JPH3: variants seen among roughly 807,000 people sequenced by gnomAD.
JPH3 encodes junctophilin-3.
Under a neutral mutation model 59.6 loss-of-function variants are expected in JPH3, and 11 were observed. The observed-to-expected ratio is 0.18, with a 90% CI of 0.12 to 0.31. The LOEUF (loss-of-function observed/expected upper bound fraction) is 0.31. JPH3 is among the 10% of genes least tolerant of loss of function. The pLI, the probability that JPH3 is intolerant of heterozygous loss-of-function variation, is 1.00. For missense variants in JPH3, 1,202 were observed against 1,105.7 expected (o/e 1.09, Z -1.24); for synonymous variants, 673 against 483.6 (o/e 1.39, Z -5.14).
rs906729955 is a variant in JPH3, at chr16:87,676,337, C to T, written c.1161-7805C>T. On this transcript the variant is annotated intron_variant, in intron 2 of 4. Coordinates refer to ENST00000284262, the MANE Select transcript of JPH3 (RefSeq NM_020655.4). ...CTCAATTTAACAACATCTTTTTGAACGAGTGGATCCATAAATGCATTAAGT... is the reference window on the plus strand; with the variant it reads ...CTCAATTTAACAACATCTTTTTGAATGAGTGGATCCATAAATGCATTAAGT... Among the ~76,000 whole-genome samples, 3 of 152,112 alleles carry T rather than the reference C, an allele frequency of 2.0e-5. No homozygotes were observed. The East Asian group carries it at 5.8e-4, about 29-fold the overall frequency.
At chr16:87,661,284 CTT>C (rs1424930118) in intron 2 of JPH3, among the ~76,000 whole-genome samples, 5 of 152,234 alleles carry the variant, frequency 3.3e-5, no homozygotes, top group East Asian at 1.9e-4. Flanking sequence ...TCATCTCTCT[CTT>C]TCCTGATCCT....
chr16:87,643,078 C>T (rs572670560), intron 1 of JPH3, among the ~76,000 whole-genome samples: 7 of 152,298 alleles, frequency 4.6e-5, no homozygotes, highest in South Asian at 2.1e-4. Context: ...CTGCACCCAC[C>T]GCGCTTTCTG....
intron 2 of JPH3, among the ~76,000 whole-genome samples, chr16:87,677,248 T>C (rs1258477621): frequency 7.9e-6 from 1 of 126,922 alleles, no homozygotes; most frequent in African/African-American, 3.0e-5. Context: ...TAGCCGGGTG[T>C]GGTGGGCGCC....
chr16:87,625,042 A>G (rs889788386), intron 1 of JPH3, among the ~76,000 whole-genome samples: 3 of 152,124 alleles, frequency 2.0e-5, no homozygotes, highest in Non-Finnish European at 2.9e-5. Flanking sequence ...CAAGTGATCC[A>G]CCTGCCTTGG....
At chr16:87,636,841 T>C (rs1412284787) in intron 1 of JPH3, among the ~76,000 whole-genome samples, 1 of 152,224 alleles carries the variant, frequency 6.6e-6, no homozygotes, top group African/African-American at 2.4e-5. Context: ...GTGGGTGCGA[T>C]TGTCACCCTA....
chr16:87,680,291 G>A (rs1004997196), intron 2 of JPH3, among the ~76,000 whole-genome samples: 6 of 152,358 alleles, frequency 3.9e-5, no homozygotes, highest in Middle Eastern at 3.4e-3. Flanking sequence ...CTGAAGGTCC[G>A]AGTGTGGCTT....
At chr16:87,623,401 C>G (rs1280206429) in intron 1 of JPH3, among the ~76,000 whole-genome samples, 1 of 152,188 alleles carries the variant, frequency 6.6e-6, no homozygotes, top group Non-Finnish European at 1.5e-5. Context: ...AGGGCAGGAC[C>G]TGGGGTAACC....
At chr16:87,651,739 T>C (rs960032511) in intron 2 of JPH3, among the ~76,000 whole-genome samples, 2 of 152,244 alleles carry the variant, frequency 1.3e-5, no homozygotes, top group African/African-American at 4.8e-5. Flanking sequence ...GAAAATGGTT[T>C]CTTGCGATGG....
intron 2 of JPH3, among the ~76,000 whole-genome samples, chr16:87,655,432 CA>C (rs1404071708): frequency 2.0e-5 from 3 of 152,190 alleles, no homozygotes; most frequent in African/African-American, 7.2e-5. Flanking sequence ...TAGCCCACTG[CA>C]GCCTCGATCT....
At chr16:87,688,911 C>T (rs533883500) in intron 3 of JPH3, among the ~76,000 whole-genome samples, 31 of 152,172 alleles carry the variant, frequency 2.0e-4, no homozygotes, top group Admixed American at 2.6e-4. Context: ...TGGGGGCTCA[C>T]GGAGCTCCGG....
chr16:87,671,216 G>A (rs1031619279), intron 2 of JPH3, among the ~76,000 whole-genome samples: 3 of 152,138 alleles, frequency 2.0e-5, no homozygotes, highest in South Asian at 2.1e-4. Context: ...TCTGTTCCTC[G>A]ACTCCTAGCA....
chr16:87,671,052 G>T (rs1158151722), intron 2 of JPH3, among the ~76,000 whole-genome samples: 1 of 152,188 alleles, frequency 6.6e-6, no homozygotes, highest in Non-Finnish European at 1.5e-5. Context: ...CGGGACCCAT[G>T]CCCAGCAGGG....
In JPH3 at chr16:87,616,379, G is replaced by A. The variant is rs185737150; in HGVS notation, c.382+12851G>A. Among the ~76,000 whole-genome samples the A allele has an allele frequency of 2.0e-3, 305 of 150,716 alleles. 4 individuals are homozygous for A. The highest frequency in any genetic ancestry group is 7.0e-3 in the African/African-American group (286 of 41,038). The stretch of plus-strand genomic sequence containing the variant: ...CTCCCGAGTAGCTGGGACTACAGGC[G>A]CCCGCCACCACGCCTGGTTAAGTTT... On this transcript the variant is annotated intron_variant, in intron 1 of 4. Transcript: ENST00000284262.
Position 87,644,879 on chromosome 16 carries a change from A to G in JPH3, c.1004A>G (p.Glu335Gly). 1.2e-6 allele frequency: 2 copies of G among 1,613,370 alleles called. No individual in the cohort carries two copies. Among genetic ancestry groups the G allele is most frequent in the Non-Finnish European group, 1.7e-6 (2 of 1,179,930 alleles). ...CMTFPDGTKE[E>G]GKYKQNILVG... ...ACCTTCCCGGACGGCACCAAGGAGG[A>G]GGGCAAGTACAAGCAGAACATCCTC... Residue 335 changes from glutamate to glycine, a missense_variant, in exon 2 of 5, where the codon GAG (glutamate) becomes GGG (glycine). Physicochemically the swap from Glu to Gly is moderately conservative, Grantham distance 98 (BLOSUM62 -2). Transcript: ENST00000284262.
At chr16:87,692,469 G>C (rs956372725) in intron 4 of JPH3, among the ~76,000 whole-genome samples, 1 of 152,228 alleles carries the variant, frequency 6.6e-6, no homozygotes, top group African/African-American at 2.4e-5. Flanking sequence ...TGGGCCACCA[G>C]CAGGGTCTGG....
chr16:87,622,745 C>CG (rs910885297), intron 1 of JPH3, among the ~76,000 whole-genome samples: 3 of 152,018 alleles, frequency 2.0e-5, no homozygotes, highest in Non-Finnish European at 4.4e-5. Context: ...CAGACCCCCC[C>CG]CCGCCCCACC....
chr16:87,669,353 T>G (rs1440885144), intron 2 of JPH3, among the ~76,000 whole-genome samples: 1 of 151,138 alleles, frequency 6.6e-6, no homozygotes, highest in Non-Finnish European at 1.5e-5. Context: ...TTGGGAGGGG[T>G]GAGAAAAGGA....
intron 1 of JPH3, among the ~76,000 whole-genome samples, chr16:87,640,171 A>G (rs1373889206): frequency 6.6e-6 from 1 of 151,932 alleles, no homozygotes; most frequent in Non-Finnish European, 1.5e-5. Context: ...TACTAAAAAC[A>G]GAAAAAAATT....
intron 1 of JPH3, among the ~76,000 whole-genome samples, chr16:87,642,130 G>T (rs1234722703): frequency 6.6e-6 from 1 of 152,084 alleles, no homozygotes; most frequent in Non-Finnish European, 1.5e-5. Context: ...GCGGGGTGTG[G>T]GGATACCCTG....
Sources: allele counts gnomAD v4.1 joint callset (sites outside exome capture counted in the v4.1 genomes callset), GRCh38; gene constraint gnomAD v4.1.1; transcripts MANE v1.5; gene names NCBI Gene and HGNC (gene_info 2026-07-23, HGNC 2026-07-21).